The following DISC1 variants were observed in gnomAD, a reference collection of about 807,000 sequenced individuals.
DISC1 encodes DISC1 scaffold protein, also known as disrupted in schizophrenia 1 protein.
In DISC1, 57 loss-of-function variants were observed where a neutral mutation model predicts 84.5. That is an observed-to-expected ratio of 0.67 (90% confidence interval 0.55 to 0.84). The LOEUF (loss-of-function observed/expected upper bound fraction) is 0.84. DISC1 is among the 40% of genes least tolerant of loss of function. The probability of loss-of-function intolerance (pLI) is 0.00; values close to 1 mark genes in which losing one functional copy is unlikely to be tolerated. For synonymous variants in DISC1, 411 were observed against 415.2 expected, an observed-to-expected ratio of 0.99 and a Z score of 0.12; for missense variants, 1,000 against 1,057.8, an observed-to-expected ratio of 0.95 and a Z score of 0.76.
chr1:231,893,261 G>GA (rs986405324), intron 9 of DISC1, among the ~76,000 whole-genome samples: 4 of 151,030 alleles, frequency 2.6e-5, no homozygotes, highest in Non-Finnish European at 4.4e-5. Context: ...AGATAAGGTT[G>GA]AAAAAAAAAC....
At position 231,656,763 on chromosome 1, in the gene DISC1, T is replaced by G. The variant is rs1291376007; in HGVS notation, c.67+29829T>G. Among the ~76,000 whole-genome samples, 4 of 152,306 alleles carry G rather than the reference T, an allele frequency of 2.6e-5. No homozygotes were observed. In the East Asian group the frequency reaches 5.8e-4, roughly 22 times the overall value. On this transcript the variant is annotated intron_variant, in intron 1 of 12. Transcript: ENST00000439617. The stretch of plus-strand genomic sequence containing the variant: ...AAGCCCAGCATCAATTAGCTATTCT[T>G]CCTGATGCTCTCCCTCCCACCCACT...
chr1:231,694,565 G>T lies in DISC1; in HGVS notation c.807G>T (p.Leu269Phe), dbSNP rs760628896. The T allele has an allele frequency of 8.1e-6, 13 of 1,614,112 alleles. No individual in the cohort carries two copies. The African/African-American group carries it at 1.6e-4, about 20-fold the overall frequency. ...GTCTCTCTCGGCCCTTCAGTCTCTT[G>T]GCTACACGGGTCTCTGCAGACTTGG... ...PRCLSRPFSL[L>F]ATRVSADLAQ... Residue 269 changes from leucine (L) to phenylalanine (F), a missense_variant, in exon 2 of 13, where the codon TTG becomes TTT. Leu to Phe is a conservative substitution (Grantham distance 22). Around this residue, in one of 3 missense-constraint regions of DISC1, gnomAD observed 311 missense variants for 400.1 expected, o/e 0.78. Coordinates refer to ENST00000439617, the MANE Select transcript of DISC1 (RefSeq NM_018662.3).
chr1:231,984,483 T>C (rs1177274538), intron 10 of DISC1, among the ~76,000 whole-genome samples: 1 of 152,112 alleles, frequency 6.6e-6, no homozygotes, highest in Non-Finnish European at 1.5e-5. Flanking sequence ...ATGTTCCTCA[T>C]CCCTAGTGGA....
chr1:231,689,584 C>A (rs1977793), intron 1 of DISC1, among the ~76,000 whole-genome samples: 58,028 of 151,844 alleles, frequency 0.38, 11,569 homozygotes, highest in African/African-American at 0.5. Flanking sequence ...CACCCACCTC[C>A]GCCTCCCAAA....
At chr1:231,642,107 C>T (rs1655282) in intron 1 of DISC1, among the ~76,000 whole-genome samples, 69,720 of 151,896 alleles carry the variant, frequency 0.46, 16,535 homozygotes, top group East Asian at 0.82. Context: ...GGAAGGCAGC[C>T]AAGGCCTTGC....
intron 8 of DISC1, among the ~76,000 whole-genome samples, chr1:231,808,884 A>G (rs1417326771): frequency 6.6e-6 from 1 of 152,214 alleles, no homozygotes; most frequent in Non-Finnish European, 1.5e-5. Context: ...ACAGTAGGAA[A>G]CAAATTCAAA....
At chr1:231,790,998 C>T (rs956625763) in intron 6 of DISC1, among the ~76,000 whole-genome samples, 4 of 152,190 alleles carry the variant, frequency 2.6e-5, no homozygotes, top group Admixed American at 6.5e-5. Context: ...CGGTGACAGG[C>T]ACCTTTGCAT....
intron 9 of DISC1, among the ~76,000 whole-genome samples, chr1:231,886,770 T>TCTTCCGTC (rs1230361593): frequency 2.6e-5 from 1 of 38,250 alleles, no homozygotes; most frequent in African/African-American, 9.5e-5. Flanking sequence ...TTCCTTCCTT[T>TCTTCCGTC]CTTTCTTTCT....
chr1:231,898,180 C>A (rs1489556613), intron 9 of DISC1, among the ~76,000 whole-genome samples: 1 of 152,196 alleles, frequency 6.6e-6, no homozygotes, highest in Non-Finnish European at 1.5e-5. Flanking sequence ...TGACCTCCAG[C>A]AAATGTTTAA....
At chr1:232,021,663 G>A (rs778827833) in intron 11 of DISC1, among the ~76,000 whole-genome samples, 4 of 152,168 alleles carry the variant, frequency 2.6e-5, no homozygotes, top group Admixed American at 6.5e-5. Flanking sequence ...CCACTCATGC[G>A]AGGTTCTGTG....
intron 3 of DISC1, chr1:231,720,902 A>G (rs1370405783): frequency 2.3e-6 from 3 of 1,290,854 alleles, no homozygotes; most frequent in Non-Finnish European, 3.0e-6. Context: ...TAGTTCTGAC[A>G]TTGACTGCAT....
chr1:231,933,721 T>G (rs2090809197), intron 9 of DISC1, among the ~76,000 whole-genome samples: 1 of 152,216 alleles, frequency 6.6e-6, no homozygotes, highest in African/African-American at 2.4e-5. Flanking sequence ...AAATTAAATA[T>G]GTCTCTCCAA....
chr1:231,788,652 A>G (rs1340909312), intron 6 of DISC1, among the ~76,000 whole-genome samples: 2 of 152,224 alleles, frequency 1.3e-5, no homozygotes, highest in Admixed American at 1.3e-4. Flanking sequence ...CCAGAGAGTA[A>G]GACTTCTGAG....
Position 231,733,482 on chromosome 1 carries a change from A to AG in DISC1, c.1118-16443dup, listed in dbSNP as rs2071918546. Reference sequence around the variant, plus strand: ...AAGTGGTGGTGATGGTAGGAGTGGTAGTGGCTGTGGCAGTGCTGGTGATGG... The same window carrying AG: ...AAGTGGTGGTGATGGTAGGAGTGGTAGGTGGCTGTGGCAGTGCTGGTGATGG... On this transcript the variant is annotated intron_variant, in intron 3 of 12. Transcript: ENST00000439617. Among the ~76,000 whole-genome samples, 4 of 144,956 alleles carry AG rather than the reference A, an allele frequency of 2.8e-5. No individual in the cohort carries two copies. The South Asian group carries it at 9.0e-4, about 33-fold the overall frequency.
At chr1:231,696,589 A>C (rs1401360694) in intron 2 of DISC1, among the ~76,000 whole-genome samples, 3 of 152,354 alleles carry the variant, frequency 2.0e-5, no homozygotes, top group Non-Finnish European at 4.4e-5. Context: ...CATGTACTGC[A>C]TAATGACATT....
intron 9 of DISC1, among the ~76,000 whole-genome samples, chr1:231,844,620 G>C (rs1160211607): frequency 1.3e-5 from 2 of 152,096 alleles, no homozygotes; most frequent in Non-Finnish European, 2.9e-5. Flanking sequence ...CCAGGTTATA[G>C]GAAGGTTTAA....
chr1:231,943,280 G>A (rs1006894115), intron 9 of DISC1, among the ~76,000 whole-genome samples: 2 of 152,272 alleles, frequency 1.3e-5, no homozygotes, highest in Non-Finnish European at 2.9e-5. Flanking sequence ...GACATGCCAT[G>A]CTATGCCAGG....
chr1:231,774,863 A>C (rs909904864), intron 6 of DISC1: 24 of 405,494 alleles, frequency 5.9e-5, no homozygotes, highest in Non-Finnish European at 1.1e-4. Flanking sequence ...ATTGGACATG[A>C]TCCTGTTAAC....
chr1:231,627,141 C>T (rs1356270624), intron 1 of DISC1, among the ~76,000 whole-genome samples: 1 of 152,198 alleles, frequency 6.6e-6, no homozygotes, highest in African/African-American at 2.4e-5. Context: ...AGCGCCGAGC[C>T]GGGCCAGGTC....
Sources: gnomAD v4.1 joint callset for allele counts (sites outside exome capture counted in the v4.1 genomes callset) on GRCh38, gnomAD v4.1.1 for gene constraint, gnomAD v4.1.1 regional missense constraint, MANE v1.5 for transcripts, NCBI Gene and HGNC (gene_info 2026-07-23, HGNC 2026-07-21) for gene names.